TES: variants seen among roughly 807,000 people sequenced by gnomAD.
TES encodes testin LIM domain protein, also known as testin.
A neutral mutation model predicts 48.2 loss-of-function variants in TES; 41 were observed. That is an observed-to-expected ratio of 0.85 (90% CI 0.66 to 1.10). TES has a LOEUF of 1.10. Among genes scored for constraint, TES ranks in the 50% least tolerant of loss-of-function variants. The pLI, the probability that TES is intolerant of heterozygous loss-of-function variation, is 0.00. For synonymous variants in TES, 162 were observed against 174.9 expected (o/e 0.93, Z 0.58); for missense variants, 463 against 515.1 (o/e 0.90, Z 0.98).
chr7:116,236,954 T>G (rs549895443), intron 2 of TES, among the ~76,000 whole-genome samples: 1 of 152,354 alleles, frequency 6.6e-6, no homozygotes, highest in South Asian at 2.1e-4. Flanking sequence ...AGTTCTGACA[T>G]CTTCCTGGCA....
chr7:116,242,507 ATC>A (rs60510276), intron 2 of TES, among the ~76,000 whole-genome samples: 2,191 of 141,536 alleles, frequency 0.015, 23 homozygotes, highest in Middle Eastern at 0.051. Flanking sequence ...TTCACCACCT[ATC>A]TCTCTCTCTC....
intron 1 of TES, chr7:116,222,843 C>A: frequency 6.1e-6 from 2 of 328,852 alleles, no homozygotes; most frequent in Non-Finnish European, 4.4e-6. Context: ...TGAGCGCATT[C>A]CATTACAGTG....
In TES at chr7:116,210,711, G is replaced by T; in HGVS notation, c.4G>T (p.Asp2Tyr). The change falls in exon 1 of 7, where the codon GAC becomes TAC. Residue 2 changes from aspartate (D) to tyrosine (Y), a missense_variant. Transcript: ENST00000358204. M[D>Y]LENKVKKMGL... ...GGGACCCATAGGACGCGTTAACATG[G>T]ACCTGGAAAACAAAGTGAAGAAGGT... 1 of 1,264,258 alleles carries T rather than the reference G, an allele frequency of 7.9e-7. No homozygotes were observed. Among genetic ancestry groups the T allele is most frequent in the South Asian group, 3.3e-5 (1 of 30,610 alleles). 78.3% of individuals were successfully genotyped at this position (1,264,258 alleles called of 1,614,324 possible). A position where few individuals can be genotyped will look rare whatever the true frequency, so the allele number is the denominator to read the frequency against.
intron 1 of TES, among the ~76,000 whole-genome samples, chr7:116,217,539 T>A (rs556420353): frequency 6.6e-6 from 1 of 152,254 alleles, no homozygotes; most frequent in Non-Finnish European, 1.5e-5. Flanking sequence ...TACAGGAAAT[T>A]ATTTTACTTT....
At position 116,234,731 on chromosome 7, in the gene TES, G is replaced by A. The variant is rs1049924638; in HGVS notation, c.113+112G>A. The stretch of plus-strand genomic sequence containing the variant: ...AGCATGGTTGCTAAGTTGCAGACCT[G>A]TTACTGTCTTTTCTGAGAAATGAAT... On this transcript the variant is annotated intron_variant, in intron 2 of 6. Coordinates refer to ENST00000358204, the MANE Select transcript of TES (RefSeq NM_015641.4). The A allele has an allele frequency of 6.2e-6, 5 of 812,322 alleles. No individual in the cohort carries two copies. The African/African-American group carries it at 7.0e-5, about 11-fold the overall frequency. 50.3% of individuals were successfully genotyped at this position (812,322 alleles called of 1,614,324 possible). A position where few individuals can be genotyped will look rare whatever the true frequency, so the allele number is the denominator to read the frequency against.
chr7:116,226,450 G>C (rs1799622428), intron 1 of TES, among the ~76,000 whole-genome samples: 1 of 152,180 alleles, frequency 6.6e-6, no homozygotes, highest in African/African-American at 2.4e-5. Context: ...AGAGGTTCAA[G>C]CAAAGTGAAA....
intron 1 of TES, among the ~76,000 whole-genome samples, chr7:116,214,110 TTAATCCTAA>T (rs1371201607): frequency 6.6e-6 from 1 of 152,194 alleles, no homozygotes; most frequent in East Asian, 1.9e-4. Context: ...TTTATTTTGA[TTAATCCTAA>T]TATTTTGCAT....
At position 116,252,459 on chromosome 7, in the gene TES, G is replaced by C; in HGVS notation, c.1060G>C (p.Val354Leu). Residue 354 changes from valine to leucine, a missense_variant, in exon 6 of 7, where the codon GTG becomes CTG. Val to Leu is a conservative substitution (Grantham distance 32). Coordinates refer to ENST00000358204, the MANE Select transcript of TES (RefSeq NM_015641.4). ...NDKPVCKPCY[V>L]KNHAVVCQGC... ...CAAGCCCGTGTGCAAGCCCTGCTAT[G>C]TGAAGAATCACGCTGTGGTGAGAAG... The C allele has an allele frequency of 6.2e-7, 1 of 1,614,226 alleles. No individual in the cohort carries two copies. The highest frequency in any genetic ancestry group is 1.1e-5 in the South Asian group (1 of 91,088).
At chr7:116,223,032 C>T in intron 1 of TES, 1 of 980,698 alleles carries the variant, frequency 1.0e-6, no homozygotes, top group East Asian at 1.1e-4. Context: ...TATTGGTAAG[C>T]ATTTCAAATG....
At chr7:116,243,617 T>G (rs1799881962) in intron 2 of TES, among the ~76,000 whole-genome samples, 1 of 152,208 alleles carries the variant, frequency 6.6e-6, no homozygotes, top group Admixed American at 6.5e-5. Context: ...AATTTATCAG[T>G]GGTTTCATTT....
Position 116,217,925 on chromosome 7 carries a change from G to A in TES, c.27+7191G>A, listed in dbSNP as rs542971088. On this transcript the variant is annotated intron_variant, in intron 1 of 6. Coordinates refer to ENST00000358204, the MANE Select transcript of TES (RefSeq NM_015641.4). ...TGGGGAATTAGAGCGATAAGGATAT[G>A]CATGACTATAATTTTCTAAGTATCA... 7.6e-5 allele frequency: 39 copies of A among 510,782 alleles called. 1 individual carries two copies. In the East Asian group the frequency reaches 9.3e-4, roughly 12 times the overall value. The allele number at this position is 510,782 out of a possible 1,614,324, so 31.6% of individuals were successfully genotyped here.
At chr7:116,254,324 C>G (rs200018672) in intron 6 of TES, among the ~76,000 whole-genome samples, 2 of 151,564 alleles carry the variant, frequency 1.3e-5, no homozygotes, top group East Asian at 3.9e-4. Context: ...GCTTTTTTTT[C>G]TTTTTTTAGC....
In TES at chr7:116,251,942, C is replaced by G; in HGVS notation, c.885C>G (p.Asp295Glu). ...EKLYCGRHYC[D>E]SEKPRCAGCD... ...TATACTGTGGCAGACATTACTGTGACAGCGAGAAACCCCGATGTGCTGGCT... is the reference window on the plus strand; with the variant it reads ...TATACTGTGGCAGACATTACTGTGAGAGCGAGAAACCCCGATGTGCTGGCT... The change falls in exon 5 of 7, where the codon GAC becomes GAG. Residue 295 changes from aspartate to glutamate, a missense_variant. Asp to Glu is a conservative substitution (Grantham distance 45, BLOSUM62 2). Coordinates refer to ENST00000358204, the MANE Select transcript of TES (RefSeq NM_015641.4). 1.9e-6 allele frequency: 3 copies of G among 1,614,134 alleles called. No individual in the cohort carries two copies. Among genetic ancestry groups the G allele is most frequent in the Non-Finnish European group, 2.5e-6 (3 of 1,180,010 alleles).
At position 116,210,667 on chromosome 7, in the gene TES, T is replaced by C. The variant is rs1799424208; in HGVS notation, c.-41T>C. The stretch of plus-strand genomic sequence containing the variant: ...AGGCCAGCTGAACCCGGCCGTGGGA[T>C]CCCGGATAGGAGGAGGAGGGGACCC... On this transcript the variant is annotated 5_prime_UTR_variant, in exon 1 of 7. Coordinates refer to ENST00000358204, the MANE Select transcript of TES (RefSeq NM_015641.4). 2 of 1,304,268 alleles carry C rather than the reference T, an allele frequency of 1.5e-6. No homozygotes were observed. Among genetic ancestry groups the C allele is most frequent in the African/African-American group, 1.5e-5 (1 of 64,816 alleles). The allele number at this position is 1,304,268 out of a possible 1,614,324, so 80.8% of individuals were successfully genotyped here. A position where few individuals can be genotyped will look rare whatever the true frequency, so the allele number is the denominator to read the frequency against.
At position 116,244,427 on chromosome 7, in the gene TES, A is replaced by G. The variant is rs147531522; in HGVS notation, c.114-4593A>G. On this transcript the variant is annotated intron_variant, in intron 2 of 6. Transcript: ENST00000358204. ...GCCCTATGGGAGATCAAAATCCAAT[A>G]GGGCAGTCATTAAACGTTAAAATTC... 7.9e-5 allele frequency among the ~76,000 whole-genome samples: 12 copies of G among 152,376 alleles called. 1 individual carries two copies. The East Asian group carries it at 2.3e-3, about 29-fold the overall frequency.
At chr7:116,251,615 G>A (rs921058914) in intron 4 of TES, 145 bp from the exon 5 acceptor site, 29 of 741,946 alleles carry the variant, frequency 3.9e-5, no homozygotes, top group Admixed American at 2.0e-4. Flanking sequence ...CCCAGGAGGC[G>A]GAGCTTGCAA....
rs367601028 is a variant in TES at position 116,249,071 on chromosome 7, G to C, written c.165G>C (p.Leu55Phe). 4.3e-6 allele frequency: 7 copies of C among 1,613,676 alleles called. No homozygotes were observed. The highest frequency in any genetic ancestry group is 5.9e-6 in the Non-Finnish European group (7 of 1,179,804). Residue 55 changes from leucine to phenylalanine, a missense_variant, in exon 3 of 7, where the codon TTG becomes TTC. Leu to Phe is a conservative substitution (Grantham distance 22, BLOSUM62 0). Coordinates refer to ENST00000358204, the MANE Select transcript of TES (RefSeq NM_015641.4). ...KCGQEEHDVL[L>F]SNEEDRKVGK... ...GCCAAGAAGAGCATGATGTCCTCTT[G>C]AGCAATGAAGAGGATCGAAAAGTGG... is the stretch of plus-strand genomic sequence containing the variant.
At position 116,257,334 on chromosome 7, in the gene TES, A is replaced by G. The variant is rs1800115336; in HGVS notation, c.1118A>G (p.Gln373Arg). Residue 373 changes from glutamine (Q) to arginine (R), a missense_variant, in exon 7 of 7, where the codon CAG becomes CGG. By Grantham distance (43) the Gln-to-Arg change is conservative (BLOSUM62 1). Transcript: ENST00000358204. ...CACAATGCCATCGACCCAGAAGTGC[A>G]GCGGGTGACCTATAACAATTTCAGC... ...GCHNAIDPEV[Q>R]RVTYNNFSWH... is the part of the protein sequence containing the mutation. 1.9e-6 allele frequency: 3 copies of G among 1,613,566 alleles called. No individual in the cohort carries two copies. The highest frequency in any genetic ancestry group is 1.3e-5 in the African/African-American group (1 of 74,914).
chr7:116,254,026 G>T (rs1236582676), intron 6 of TES, among the ~76,000 whole-genome samples: 1 of 151,698 alleles, frequency 6.6e-6, no homozygotes, highest in Admixed American at 6.6e-5. Context: ...TCGCTTTGGG[G>T]TTACCATGGT....
Sources: gnomAD v4.1 joint callset for allele counts (sites outside exome capture counted in the v4.1 genomes callset) on GRCh38, gnomAD v4.1.1 for gene constraint, MANE v1.5 for transcripts, NCBI Gene and HGNC (gene_info 2026-07-23, HGNC 2026-07-21) for gene names.